The following SHB variants were observed in gnomAD, a reference collection of about 807,000 sequenced individuals.
SHB encodes SH2 domain-containing adapter protein B.
In SHB, 20 loss-of-function variants were observed where a neutral mutation model predicts 52.3. The ratio of observed to expected loss-of-function variants is 0.38; its 90% confidence interval spans 0.27 to 0.56. The LOEUF (loss-of-function observed/expected upper bound fraction) is 0.56. SHB is among the 20% of genes least tolerant of loss of function. SHB has a pLI of 0.71. For missense variants in SHB, 825 were observed against 723.3 expected, an observed-to-expected ratio of 1.14 and a Z score of -1.61; for synonymous variants, 397 against 316.5, an observed-to-expected ratio of 1.25 and a Z score of -2.70.
chr9:38,042,278 A>G (rs937396355), intron 1 of SHB, among the ~76,000 whole-genome samples: 4 of 152,204 alleles, frequency 2.6e-5, no homozygotes, highest in African/African-American at 9.6e-5. Context: ...AGAGCTCACT[A>G]TGTACTAGTA....
In SHB at chr9:37,974,688, C is replaced by T. The variant is rs1262940111; in HGVS notation, c.988G>A (p.Asp330Asn). The T allele has an allele frequency of 5.6e-6, 9 of 1,613,976 alleles. No homozygotes were observed. The highest frequency in any genetic ancestry group is 2.2e-5 in the East Asian group (1 of 44,878). ...LRESKLPQDDDRPADEYDQPW... is the reference protein window; with the variant it reads ...LRESKLPQDDNRPADEYDQPW... The stretch of plus-strand genomic sequence containing the variant: ...TGGTCGTACTCATCGGCGGGCCTGT[C>T]GTCATCCTGGGGCAGCTTGCTCTCC... Residue 330 changes from aspartate (D) to asparagine (N), a missense_variant, in exon 3 of 6, where the codon GAC becomes AAC. Physicochemically the swap from Asp to Asn is conservative, Grantham distance 23 (BLOSUM62 1). Transcript: ENST00000377707.
chr9:37,983,117 C>A (rs905571518), intron 2 of SHB, among the ~76,000 whole-genome samples: 7 of 152,166 alleles, frequency 4.6e-5, no homozygotes, highest in African/African-American at 1.7e-4. Context: ...TAGGAGAAGG[C>A]AGAGCTCCCA....
At chr9:37,991,194 C>G (rs1397338502) in intron 2 of SHB, among the ~76,000 whole-genome samples, 6 of 152,144 alleles carry the variant, frequency 3.9e-5, no homozygotes, top group Non-Finnish European at 7.3e-5. Flanking sequence ...GCCAGGAGTT[C>G]TACATTAACC....
chr9:38,037,479 A>G (rs1459774805), intron 1 of SHB, among the ~76,000 whole-genome samples: 1 of 152,054 alleles, frequency 6.6e-6, no homozygotes, highest in Non-Finnish European at 1.5e-5. Flanking sequence ...CTAACCTCCA[A>G]TGCTCGGCAC....
chr9:38,041,520 C>T lies in SHB; in HGVS notation c.718-25389G>A, dbSNP rs534535300. On this transcript the variant is annotated intron_variant, in intron 1 of 5. Transcript: ENST00000377707. ...GGATGGGTGATGGGAAGGAGAAGGGCATGCCTGCTTCAGAAATGGGCACAG... is the reference window on the plus strand; with the variant it reads ...GGATGGGTGATGGGAAGGAGAAGGGTATGCCTGCTTCAGAAATGGGCACAG... 3.4e-4 allele frequency among the ~76,000 whole-genome samples: 51 copies of T among 152,020 alleles called. No individual in the cohort carries two copies. The South Asian group carries it at 0.01, about 31-fold the overall frequency.
At chr9:38,017,373 C>T (rs1186587087) in intron 1 of SHB, among the ~76,000 whole-genome samples, 1 of 152,192 alleles carries the variant, frequency 6.6e-6, no homozygotes, top group African/African-American at 2.4e-5. Context: ...CTCTCAGCTC[C>T]TGGAATGTAA....
chr9:38,010,348 G>GGGCTGAAGGCCAGTGAAGAGA (rs1351526409), intron 2 of SHB, among the ~76,000 whole-genome samples: 1 of 152,180 alleles, frequency 6.6e-6, no homozygotes, highest in African/African-American at 2.4e-5. Flanking sequence ...AGAATTCCTA[G>GGGCTGAAGGCCAGTGAAGAGA]GGCTGAAGGC....
At chr9:38,019,027 G>A (rs1259543936) in intron 1 of SHB, among the ~76,000 whole-genome samples, 2 of 152,274 alleles carry the variant, frequency 1.3e-5, no homozygotes, top group Non-Finnish European at 2.9e-5. Flanking sequence ...AAGGGAGCCA[G>A]CCGGGACTCC....
intron 1 of SHB, among the ~76,000 whole-genome samples, chr9:38,043,909 GA>G (rs1226703537): frequency 1.3e-5 from 2 of 151,418 alleles, no homozygotes; most frequent in Non-Finnish European, 2.9e-5. Flanking sequence ...AAAAAATTAA[GA>G]AAAGAAACCA....
intron 3 of SHB, among the ~76,000 whole-genome samples, chr9:37,962,637 G>A (rs1363900317): frequency 6.6e-6 from 1 of 151,776 alleles, no homozygotes; most frequent in Non-Finnish European, 1.5e-5. Context: ...CTCCCAAGCA[G>A]TAGGGACTAC....
chr9:38,011,026 C>G (rs1821133984), intron 2 of SHB, among the ~76,000 whole-genome samples: 1 of 152,210 alleles, frequency 6.6e-6, no homozygotes, highest in Non-Finnish European at 1.5e-5. Context: ...GATCACAGGC[C>G]CTATTTTACC....
chr9:37,968,307 G>A (rs1248379910), intron 3 of SHB, among the ~76,000 whole-genome samples: 1 of 152,130 alleles, frequency 6.6e-6, no homozygotes, highest in Non-Finnish European at 1.5e-5. Flanking sequence ...GTAAACTAAG[G>A]CTCAGGGAGA....
At chr9:37,995,386 A>G (rs1327249647) in intron 2 of SHB, among the ~76,000 whole-genome samples, 1 of 144,060 alleles carries the variant, frequency 6.9e-6, no homozygotes, top group East Asian at 2.3e-4. Context: ...TGCTGTGTAT[A>G]CCTGCTGGCC....
At chr9:38,032,871 C>T (rs72726029) in intron 1 of SHB, among the ~76,000 whole-genome samples, 10,811 of 152,220 alleles carry the variant, frequency 0.071, 494 homozygotes, top group South Asian at 0.11. Context: ...CATACCCGTG[C>T]CAGGCAGAGG....
intron 5 of SHB, among the ~76,000 whole-genome samples, chr9:37,941,682 G>A (rs1205301587): frequency 1.3e-5 from 2 of 152,214 alleles, no homozygotes; most frequent in Non-Finnish European, 1.5e-5. Flanking sequence ...GGGGAATACA[G>A]TGACCTACTA....
intron 3 of SHB, among the ~76,000 whole-genome samples, chr9:37,961,541 C>A (rs1024825268): frequency 3.9e-5 from 6 of 152,210 alleles, no homozygotes; most frequent in Non-Finnish European, 7.3e-5. Flanking sequence ...AATGATGCAA[C>A]TTCCCCTACA....
At chr9:37,940,703 G>GT (rs1832425181) in intron 5 of SHB, among the ~76,000 whole-genome samples, 1 of 152,178 alleles carries the variant, frequency 6.6e-6, no homozygotes. Context: ...CTGGGCCTCA[G>GT]TATCTCCACT....
At position 37,973,107 on chromosome 9, in the gene SHB, T is replaced by G. The variant is rs1182873606; in HGVS notation, c.1054+1515A>C. Among the ~76,000 whole-genome samples the G allele has an allele frequency of 3.9e-5, 6 of 152,340 alleles. No individual in the cohort carries two copies. The East Asian group carries it at 1.2e-3, about 29-fold the overall frequency. ...TATGAACTCTTGCTGAACATCACCT[T>G]TTAGAGGCTACACAACATTCCAATA... On this transcript the variant is annotated intron_variant, in intron 3 of 5. Coordinates refer to ENST00000377707, the MANE Select transcript of SHB (RefSeq NM_003028.3).
intron 5 of SHB, among the ~76,000 whole-genome samples, chr9:37,944,231 C>T (rs892261199): frequency 1.3e-5 from 2 of 152,150 alleles, no homozygotes; most frequent in South Asian, 4.1e-4. Flanking sequence ...GGTGTGCAGG[C>T]GCCACTGTGG....
Sources: allele counts gnomAD v4.1 joint callset (sites outside exome capture counted in the v4.1 genomes callset), GRCh38; gene constraint gnomAD v4.1.1; transcripts MANE v1.5; gene names NCBI Gene and HGNC (gene_info 2026-07-23, HGNC 2026-07-21).